Variants in PAPOLA observed in about 807,000 individuals in gnomAD.
PAPOLA encodes the protein poly(A) polymerase alpha, also known as polynucleotide adenylyltransferase alpha.
Under a neutral mutation model 100.6 loss-of-function variants are expected in PAPOLA, and 15 were observed. The observed-to-expected ratio is 0.15, with a 90% confidence interval of 0.10 to 0.23. The LOEUF (loss-of-function observed/expected upper bound fraction) is 0.23. Ranked by LOEUF, PAPOLA falls within the 10% of genes least tolerant of loss-of-function variation. PAPOLA has a pLI of 1.00. For missense variants in PAPOLA, 533 were observed against 884.2 expected (o/e 0.60, Z 5.04); for synonymous variants, 293 against 300.0 (o/e 0.98, Z 0.24).
chr14:96,533,135 G>C, intron 9 of PAPOLA: 16 of 983,014 alleles, frequency 1.6e-5, no homozygotes, highest in Non-Finnish European at 1.9e-5. Context: ...AAGTGCTTCG[G>C]GACAAAAAAG....
chr14:96,562,932 C>T (rs1294646398), intron 21 of PAPOLA, 39 bp downstream of exon 21: 1 of 1,198,352 alleles, frequency 8.3e-7, no homozygotes, highest in Admixed American at 1.7e-5. Context: ...TTGTAAATGT[C>T]CTTAAGATTA....
At chr14:96,554,088 G>C (rs964625368) in intron 17 of PAPOLA, among the ~76,000 whole-genome samples, 2 of 152,142 alleles carry the variant, frequency 1.3e-5, no homozygotes, top group African/African-American at 4.8e-5. Context: ...TTGAGTGTGT[G>C]CACAAATATA....
chr14:96,517,208 G>C (rs1897537493), intron 1 of PAPOLA, among the ~76,000 whole-genome samples: 1 of 152,060 alleles, frequency 6.6e-6, no homozygotes, highest in Non-Finnish European at 1.5e-5. Flanking sequence ...GGCTTTACTT[G>C]CGTTAAAGTC....
chr14:96,512,227 C>T (rs1429239597), intron 1 of PAPOLA, among the ~76,000 whole-genome samples: 2 of 151,572 alleles, frequency 1.3e-5, no homozygotes, highest in Non-Finnish European at 2.9e-5. Flanking sequence ...GATTGTGTTT[C>T]TATGAATGTG....
chr14:96,563,028 C>T (rs577198702), intron 21 of PAPOLA, 135 bp downstream of exon 21: 16 of 565,568 alleles, frequency 2.8e-5, no homozygotes, highest in Middle Eastern at 4.0e-4. Flanking sequence ...AGCCTATAAA[C>T]GTATTTATTG....
intron 6 of PAPOLA, among the ~76,000 whole-genome samples, chr14:96,529,510 C>T (rs1898798793): frequency 6.6e-6 from 1 of 151,538 alleles, no homozygotes; most frequent in Admixed American, 6.6e-5. Context: ...ATCACGAGGT[C>T]AGGAGATCAA....
At chr14:96,550,703 CTT>C (rs935452159) in intron 16 of PAPOLA, among the ~76,000 whole-genome samples, 8 of 152,076 alleles carry the variant, frequency 5.3e-5, no homozygotes, top group Non-Finnish European at 8.8e-5. Flanking sequence ...TTTAATATCT[CTT>C]TATATAGCTA....
At chr14:96,536,770 A>C in intron 11 of PAPOLA, 1 of 413,250 alleles carries the variant, frequency 2.4e-6, no homozygotes, top group South Asian at 5.5e-5. Flanking sequence ...CTTTACCAGA[A>C]ACCTGGTTCT....
intron 19 of PAPOLA, among the ~76,000 whole-genome samples, chr14:96,556,986 C>T (rs1291657778): frequency 6.6e-6 from 1 of 152,168 alleles, no homozygotes; most frequent in African/African-American, 2.4e-5. Flanking sequence ...TGGGCACAGG[C>T]GATCCTTCTG....
intron 19 of PAPOLA, among the ~76,000 whole-genome samples, chr14:96,559,496 G>A (rs367780139): frequency 7.3e-4 from 106 of 144,486 alleles, no homozygotes; most frequent in Middle Eastern, 4.1e-3. Flanking sequence ...AAATGGTAAT[G>A]TAAAATAAAA....
chr14:96,560,230 G>A (rs893694769), intron 19 of PAPOLA, among the ~76,000 whole-genome samples: 2 of 152,128 alleles, frequency 1.3e-5, no homozygotes, highest in African/African-American at 4.8e-5. Flanking sequence ...AAATTAAAGT[G>A]GAGTTCTTTC....
At chr14:96,541,451 A>G (rs1899982463) in intron 12 of PAPOLA, among the ~76,000 whole-genome samples, 1 of 152,168 alleles carries the variant, frequency 6.6e-6, no homozygotes, top group Non-Finnish European at 1.5e-5. Flanking sequence ...AGCACTTCTA[A>G]AATGGGTACT....
chr14:96,532,924 T>G, intron 9 of PAPOLA: 1 of 1,117,408 alleles, frequency 8.9e-7, no homozygotes, highest in South Asian at 3.5e-5. Flanking sequence ...AAGATCCAAT[T>G]TATTGATAGG....
rs557280844 is a variant in PAPOLA, at chr14:96,524,607, A to G, written c.250-703A>G. Among the ~76,000 whole-genome samples, 3 of 151,584 alleles carry G rather than the reference A, an allele frequency of 2.0e-5. No individual in the cohort carries two copies. In the South Asian group the frequency reaches 6.2e-4, roughly 32 times the overall value. ...CGTGATCATGGCTCACGTAGCCTTG[A>G]CCTGTAGGACTCAAGCAATCCTCCC... On this transcript the variant is annotated intron_variant, in intron 3 of 21. Transcript: ENST00000216277.
Position 96,502,382 on chromosome 14 carries a change from A to C in PAPOLA, c.-211A>C, listed in dbSNP as rs758028487. Reference sequence around the variant, plus strand: ...CGTGCGTGGTGGCGTCAGCAGTTCTAGAACGTTGCTGTGGTAGCGCTCGGG... The same window carrying C: ...CGTGCGTGGTGGCGTCAGCAGTTCTCGAACGTTGCTGTGGTAGCGCTCGGG... On this transcript the variant is annotated 5_prime_UTR_variant, in exon 1 of 22. Transcript: ENST00000216277. 5.4e-5 allele frequency: 38 copies of C among 697,830 alleles called. No individual in the cohort carries two copies. In the South Asian group the frequency reaches 5.7e-4, roughly 10 times the overall value. 43.2% of individuals were successfully genotyped at this position (697,830 alleles called of 1,614,324 possible).
intron 1 of PAPOLA, among the ~76,000 whole-genome samples, chr14:96,519,267 T>C (rs1389354424): frequency 6.6e-6 from 1 of 152,126 alleles, no homozygotes; most frequent in Non-Finnish European, 1.5e-5. Context: ...TTGGGAGAAA[T>C]AACCGATCCA....
chr14:96,516,663 A>G (rs965200959), intron 1 of PAPOLA, among the ~76,000 whole-genome samples: 6 of 152,176 alleles, frequency 3.9e-5, no homozygotes, highest in Admixed American at 2.0e-4. Context: ...CTTGAATTAG[A>G]TGGAACACAT....
At chr14:96,544,087 C>T (rs944570490) in intron 14 of PAPOLA, 62 bp from the exon 15 acceptor site, 2 of 869,186 alleles carry the variant, frequency 2.3e-6, no homozygotes, top group South Asian at 1.5e-5. Context: ...TGATTGTCAG[C>T]CACACTGATA....
At position 96,520,872 on chromosome 14, in the gene PAPOLA, G is replaced by A. The variant is rs745327133; in HGVS notation, c.183-134G>A. 11 of 605,888 alleles carry A rather than the reference G, an allele frequency of 1.8e-5. 1 individual carries two copies. The highest frequency in any genetic ancestry group is 5.4e-4 in the Middle Eastern group (2 of 3,698). The allele number at this position is 605,888 out of a possible 1,614,324, so 37.5% of individuals were successfully genotyped here. A position where few individuals can be genotyped will look rare whatever the true frequency, so the allele number is the denominator to read the frequency against. The stretch of plus-strand genomic sequence containing the variant: ...AAAGCGAGAGAGAGAGCGAGCGAGC[G>A]TGCACTAACTACAATATACTGTGCT... On this transcript the variant is annotated intron_variant, in intron 2 of 21. Coordinates refer to ENST00000216277, the MANE Select transcript of PAPOLA (RefSeq NM_032632.5).
Sources: gnomAD v4.1 joint callset for allele counts (sites outside exome capture counted in the v4.1 genomes callset) on GRCh38, gnomAD v4.1.1 for gene constraint, MANE v1.5 for transcripts, NCBI Gene and HGNC (gene_info 2026-07-23, HGNC 2026-07-21) for gene names.